Variants in LRRTM4 observed in about 807,000 individuals in gnomAD.
LRRTM4 encodes leucine-rich repeat transmembrane neuronal protein 4.
LRRTM4 carries 25 observed loss-of-function variants against 47.6 expected under a neutral mutation model. That is an observed-to-expected ratio of 0.53 (90% CI 0.38 to 0.73). The LOEUF is 0.73. Ranked by LOEUF, LRRTM4 falls within the 30% of genes least tolerant of loss-of-function variation. The pLI is 0.00. For missense variants in LRRTM4, 638 were observed against 713.4 expected, an observed-to-expected ratio of 0.89 and a Z score of 1.20; for synonymous variants, 311 against 269.5, an observed-to-expected ratio of 1.15 and a Z score of -1.51.
intron 3 of LRRTM4, among the ~76,000 whole-genome samples, chr2:77,017,707 G>A (rs562942007): frequency 2.2e-4 from 33 of 152,120 alleles, no homozygotes; most frequent in African/African-American, 6.5e-4. Context: ...TAGTCATTAC[G>A]ATATCTAAAA....
intron 3 of LRRTM4, among the ~76,000 whole-genome samples, chr2:77,234,963 A>G (rs1312074207): frequency 6.6e-6 from 1 of 152,136 alleles, no homozygotes; most frequent in Non-Finnish European, 1.5e-5. Context: ...GCTCCTGCTT[A>G]TAAGTGATAA....
At chr2:77,058,653 CTTGA>C (rs1218542195) in intron 3 of LRRTM4, among the ~76,000 whole-genome samples, 12 of 151,942 alleles carry the variant, frequency 7.9e-5, no homozygotes, top group Middle Eastern at 3.4e-3. Context: ...TATTCATTTG[CTTGA>C]TTAAAACCAG....
At chr2:77,161,094 C>T (rs954427549) in intron 3 of LRRTM4, among the ~76,000 whole-genome samples, 1 of 152,122 alleles carries the variant, frequency 6.6e-6, no homozygotes, top group East Asian at 1.9e-4. Flanking sequence ...AAGCAGGGAC[C>T]TCACCTTCCA....
chr2:76,872,800 G>C (rs1055493231), intron 3 of LRRTM4, among the ~76,000 whole-genome samples: 2 of 152,046 alleles, frequency 1.3e-5, no homozygotes, highest in Non-Finnish European at 1.5e-5. Flanking sequence ...GCTTGGTGCT[G>C]TCCTTGCAGT....
intron 3 of LRRTM4, among the ~76,000 whole-genome samples, chr2:77,166,341 G>A (rs920334962): frequency 6.6e-6 from 1 of 152,088 alleles, no homozygotes; most frequent in Admixed American, 6.6e-5. Flanking sequence ...CCATGCTCAT[G>A]GATAGGAAGA....
chr2:77,295,248 T>C (rs917519709), intron 3 of LRRTM4, among the ~76,000 whole-genome samples: 10 of 152,174 alleles, frequency 6.6e-5, no homozygotes, highest in African/African-American at 2.4e-4. Context: ...TACCCTCTTA[T>C]ATTATATTGG....
intron 3 of LRRTM4, among the ~76,000 whole-genome samples, chr2:77,040,623 C>T (rs958296597): frequency 5.3e-5 from 8 of 151,180 alleles, no homozygotes; most frequent in African/African-American, 1.9e-4. Flanking sequence ...AAACACAGAG[C>T]CATATACATT....
chr2:76,762,903 C>T (rs142753664), intron 3 of LRRTM4, among the ~76,000 whole-genome samples: 24 of 152,238 alleles, frequency 1.6e-4, no homozygotes, highest in African/African-American at 5.8e-4. Context: ...AACATAACAT[C>T]AACAAGCTAC....
In LRRTM4 at chr2:77,519,185, G is replaced by C. The variant is rs1679370089; in HGVS notation, c.684C>G (p.Leu228=). 2.5e-6 allele frequency: 4 copies of C among 1,613,188 alleles called. No individual in the cohort carries two copies. Among genetic ancestry groups the C allele is most frequent in the African/African-American group, 1.3e-5 (1 of 74,886 alleles). The change falls in exon 3 of 4, where the codon CTC becomes CTG. Residue 228 remains leucine (L), a synonymous_variant. Transcript: ENST00000409884. The surrounding 1 kb of genome is among the most constrained non-coding windows in gnomAD (Gnocchi z 4.6). ...GTAAGTAAATTGAGCGGAGGTTGAA[G>C]AGACGTGGAAAATGAGCAAAGTTGA... is the stretch of plus-strand genomic sequence containing the variant. The part of the protein sequence containing the change: ...SKINFAHFPR[L]FNLRSIYLQW...
chr2:77,267,445 C>T (rs1676078594), intron 3 of LRRTM4, among the ~76,000 whole-genome samples: 1 of 152,098 alleles, frequency 6.6e-6, no homozygotes, highest in African/African-American at 2.4e-5. Context: ...ACACTATTCC[C>T]CACATGGCAG....
chr2:77,054,917 T>C (rs763387984), intron 3 of LRRTM4, among the ~76,000 whole-genome samples: 3 of 152,228 alleles, frequency 2.0e-5, no homozygotes, highest in African/African-American at 4.8e-5. Flanking sequence ...TTTTGACTTA[T>C]TCATTTGCAA....
intron 3 of LRRTM4, among the ~76,000 whole-genome samples, chr2:77,375,196 T>C (rs1462900450): frequency 1.3e-5 from 2 of 151,810 alleles, no homozygotes; most frequent in Non-Finnish European, 2.9e-5. Flanking sequence ...AACTTAATTT[T>C]TAAAATGTAC....
chr2:77,197,044 T>C (rs1341110867), intron 3 of LRRTM4, among the ~76,000 whole-genome samples: 2 of 152,148 alleles, frequency 1.3e-5, no homozygotes, highest in Admixed American at 1.3e-4. Flanking sequence ...TAGGTGTTTT[T>C]TTCTCCATTG....
intron 3 of LRRTM4, among the ~76,000 whole-genome samples, chr2:76,768,859 A>G (rs77286611): frequency 0.013 from 1,962 of 152,130 alleles, 38 homozygotes; most frequent in African/African-American, 0.038. Context: ...TGATTTGGAG[A>G]GATTAATTGC....
intron 3 of LRRTM4, among the ~76,000 whole-genome samples, chr2:76,934,499 A>C (rs1451793391): frequency 6.6e-6 from 1 of 152,208 alleles, no homozygotes; most frequent in African/African-American, 2.4e-5. Context: ...GCAAGACTTC[A>C]ATTTAATGGT....
At chr2:77,209,140 T>A (rs1383023864) in intron 3 of LRRTM4, among the ~76,000 whole-genome samples, 1 of 152,166 alleles carries the variant, frequency 6.6e-6, no homozygotes, top group Non-Finnish European at 1.5e-5. Flanking sequence ...AGACTTTGAA[T>A]GGTTATCAAG....
At chr2:76,752,057 T>C (rs1330601318) in intron 3 of LRRTM4, among the ~76,000 whole-genome samples, 2 of 152,178 alleles carry the variant, frequency 1.3e-5, no homozygotes, top group Non-Finnish European at 2.9e-5. Flanking sequence ...ACATTAAACA[T>C]GGGTTGTGGT....
At chr2:77,359,552 T>C (rs191735198) in intron 3 of LRRTM4, among the ~76,000 whole-genome samples, 3 of 152,336 alleles carry the variant, frequency 2.0e-5, no homozygotes, top group East Asian at 1.9e-4. Flanking sequence ...TACTGCATAG[T>C]ACACTTAGGT....
chr2:77,314,401 A>C lies in LRRTM4; in HGVS notation c.1551+203917T>G, dbSNP rs182238308. 1.9e-4 allele frequency among the ~76,000 whole-genome samples: 29 copies of C among 152,350 alleles called. No individual in the cohort carries two copies. The East Asian group carries it at 5.6e-3, about 29-fold the overall frequency. ...TAAAACAAAATGCATATCAACAGAG[A>C]GAAGCACTGTTCAGATCTTGATTTA... On this transcript the variant is annotated intron_variant, in intron 3 of 3. Coordinates refer to ENST00000409884, the MANE Select transcript of LRRTM4 (RefSeq NM_001134745.3).
Sources: allele counts gnomAD v4.1 joint callset (sites outside exome capture counted in the v4.1 genomes callset), GRCh38; gene constraint gnomAD v4.1.1; non-coding constraint Gnocchi (gnomAD v3.1); transcripts MANE v1.5; gene names NCBI Gene and HGNC (gene_info 2026-07-23, HGNC 2026-07-21).